RGS6: variants seen among roughly 807,000 people sequenced by gnomAD.
The protein encoded by RGS6 is regulator of G-protein signaling 6.
Under a neutral mutation model 78.5 loss-of-function variants are expected in RGS6, and 30 were observed. The observed-to-expected ratio is 0.38, with a 90% CI of 0.29 to 0.52. The LOEUF (loss-of-function observed/expected upper bound fraction) is 0.52. Among genes scored for constraint, RGS6 ranks in the 20% least tolerant of loss-of-function variants. RGS6 has a pLI of 0.85. For missense variants in RGS6, 495 were observed against 609.7 expected, an observed-to-expected ratio of 0.81 and a Z score of 1.98; for synonymous variants, 206 against 206.0, an observed-to-expected ratio of 1.00 and a Z score of 0.00.
intron 17 of RGS6, chr14:72,540,950 T>A (rs1043396854): frequency 3.3e-6 from 4 of 1,225,522 alleles, no homozygotes; most frequent in African/African-American, 1.6e-5. Context: ...TGGCTGAGAC[T>A]CTCTACCATG....
At chr14:72,009,218 G>A (rs528264495) in intron 2 of RGS6, among the ~76,000 whole-genome samples, 3 of 152,278 alleles carry the variant, frequency 2.0e-5, no homozygotes, top group African/African-American at 4.8e-5. Flanking sequence ...ACGCATGGTA[G>A]TGTGCACCTG....
rs563552344 is a variant in RGS6 at position 72,465,550 on chromosome 14, CTGGATGGATGGATGGA to C, written c.395-172_395-157del. 0.019 allele frequency among the ~76,000 whole-genome samples: 2,119 copies of C among 110,090 alleles called. 99 individuals are homozygous for C. Among genetic ancestry groups the C allele is most frequent in the African/African-American group, 0.076 (2,017 of 26,368 alleles). The allele number at this position is 110,090 out of a possible 152,430, so 72.2% of individuals were successfully genotyped here. A position where few individuals can be genotyped will look rare whatever the true frequency, so the allele number is the denominator to read the frequency against. On this transcript the variant is annotated intron_variant, in intron 6 of 17. Coordinates refer to ENST00000553525, the MANE Select transcript of RGS6 (RefSeq NM_001204424.2). ...TAGCAAGGGTGGGTGGGCGGGCTGTCTGGATGGATGGATGGATGGATGGATGGATGGATGGATGGAT... is the reference window on the plus strand; with the variant it reads ...TAGCAAGGGTGGGTGGGCGGGCTGTCTGGATGGATGGATGGATGGATGGAT...
intron 2 of RGS6, among the ~76,000 whole-genome samples, chr14:72,318,618 G>T (rs1260581284): frequency 6.6e-6 from 1 of 152,186 alleles, no homozygotes; most frequent in Non-Finnish European, 1.5e-5. Context: ...CTCAGGAAGG[G>T]CTAAGAGACA....
At chr14:72,271,615 G>A (rs537172277) in intron 2 of RGS6, among the ~76,000 whole-genome samples, 14 of 152,312 alleles carry the variant, frequency 9.2e-5, no homozygotes, top group African/African-American at 3.4e-4. Flanking sequence ...TTTAACCTGC[G>A]ATGGATTTGT....
At chr14:72,005,450 T>TATCTATCTATCTATCTATCTATCTA (rs1395059004) in intron 2 of RGS6, among the ~76,000 whole-genome samples, 6 of 150,948 alleles carry the variant, frequency 4.0e-5, no homozygotes, top group Non-Finnish European at 8.8e-5. Flanking sequence ...TCTATCTATC[T>TATCTATCTATCTATCTATCTATCTA]ATCTATCTAT....
At chr14:72,131,956 G>A (rs760343915) in intron 2 of RGS6, among the ~76,000 whole-genome samples, 2 of 152,142 alleles carry the variant, frequency 1.3e-5, no homozygotes, top group Non-Finnish European at 2.9e-5. Context: ...AATCCTAGGC[G>A]ATCTTCATGA....
At chr14:72,063,083 A>G (rs2153439059) in intron 2 of RGS6, among the ~76,000 whole-genome samples, 1 of 152,262 alleles carries the variant, frequency 6.6e-6, no homozygotes, top group Non-Finnish European at 1.5e-5. Context: ...CTCGGCCTCC[A>G]AAGTGCTGAG....
At chr14:71,883,028 C>T in the RGS6 span, among the ~76,000 whole-genome samples, 2 of 152,182 alleles carry the variant, frequency 1.3e-5, no homozygotes, top group East Asian at 1.9e-4. Context: ...AGGCTGATTT[C>T]GAGTCAGTGT....
chr14:71,873,991 A>C, the RGS6 span, among the ~76,000 whole-genome samples: 1 of 151,982 alleles, frequency 6.6e-6, no homozygotes, highest in Admixed American at 6.6e-5. Context: ...GTTCTGTTCC[A>C]TTGGTCTATA....
chr14:72,417,372 C>G (rs1432272214), intron 3 of RGS6, among the ~76,000 whole-genome samples: 1 of 152,182 alleles, frequency 6.6e-6, no homozygotes, highest in East Asian at 1.9e-4. Context: ...CTGTGCCAGC[C>G]AGCCATGACA....
chr14:72,107,640 A>G (rs1183009031), intron 2 of RGS6, among the ~76,000 whole-genome samples: 2 of 152,182 alleles, frequency 1.3e-5, no homozygotes, highest in Non-Finnish European at 2.9e-5. Flanking sequence ...ATACCTATAC[A>G]TAGATGTTAT....
At chr14:72,466,469 G>C (rs557645120) in intron 7 of RGS6, among the ~76,000 whole-genome samples, 1 of 152,282 alleles carries the variant, frequency 6.6e-6, no homozygotes, top group Admixed American at 6.5e-5. Flanking sequence ...ATAACCAAAA[G>C]CTGAAAACAA....
chr14:72,143,132 C>T (rs1018370509), intron 2 of RGS6, among the ~76,000 whole-genome samples: 1 of 152,162 alleles, frequency 6.6e-6, no homozygotes, highest in South Asian at 2.1e-4. Context: ...CTTTGGGAGG[C>T]TGATGCGGGT....
At chr14:72,153,646 G>T (rs933562191) in intron 2 of RGS6, among the ~76,000 whole-genome samples, 3 of 152,136 alleles carry the variant, frequency 2.0e-5, no homozygotes, top group Non-Finnish European at 4.4e-5. Context: ...ATCACATATC[G>T]GTAGGACCTT....
chr14:72,463,516 A>G (rs1057485181), intron 6 of RGS6, among the ~76,000 whole-genome samples: 2 of 152,242 alleles, frequency 1.3e-5, no homozygotes, highest in Non-Finnish European at 2.9e-5. Flanking sequence ...CCAGCTCTGC[A>G]TTCCATGCAT....
the RGS6 span, among the ~76,000 whole-genome samples, chr14:72,600,065 G>T: frequency 6.6e-6 from 1 of 152,100 alleles, no homozygotes; most frequent in African/African-American, 2.4e-5. Flanking sequence ...GTCATTGTGT[G>T]CTTCTCCTTC....
At chr14:72,396,044 A>G (rs938589055) in intron 3 of RGS6, among the ~76,000 whole-genome samples, 2 of 152,114 alleles carry the variant, frequency 1.3e-5, no homozygotes, top group African/African-American at 4.8e-5. Flanking sequence ...TTGGGTATAT[A>G]CCCAGTAATG....
the RGS6 span, among the ~76,000 whole-genome samples, chr14:71,913,393 G>A: frequency 6.6e-6 from 1 of 152,252 alleles, no homozygotes; most frequent in Non-Finnish European, 1.5e-5. Flanking sequence ...CCCAGTCTGC[G>A]GATTGTTTCT....
chr14:71,958,628 G>GT (rs1379008909), intron 1 of RGS6, among the ~76,000 whole-genome samples: 2 of 141,608 alleles, frequency 1.4e-5, no homozygotes, highest in African/African-American at 5.4e-5. Context: ...ATTTCATTGA[G>GT]TTTTTGCCTT....
Sources: allele counts gnomAD v4.1 joint callset (sites outside exome capture counted in the v4.1 genomes callset), GRCh38; gene constraint gnomAD v4.1.1; transcripts MANE v1.5; gene names NCBI Gene and HGNC (gene_info 2026-07-23, HGNC 2026-07-21).